Variants in FANCC observed in about 807,000 individuals in gnomAD.
FANCC encodes the protein FA complementation group C.
Under a neutral mutation model 71.3 loss-of-function variants are expected in FANCC, and 55 were observed. The ratio of observed to expected loss-of-function variants is 0.77; its 90% confidence interval spans 0.62 to 0.97. FANCC has a LOEUF of 0.97. Among genes scored for constraint, FANCC ranks in the 50% least tolerant of loss-of-function variants. The pLI, the probability that FANCC is intolerant of heterozygous loss-of-function variation, is 0.00. For synonymous variants in FANCC, 275 were observed against 244.9 expected, an observed-to-expected ratio of 1.12 and a Z score of -1.15; for missense variants, 678 against 670.9, an observed-to-expected ratio of 1.01 and a Z score of -0.12.
chr9:95,285,093 G>A (rs1833611455), intron 1 of FANCC, among the ~76,000 whole-genome samples: 1 of 151,644 alleles, frequency 6.6e-6, no homozygotes, highest in African/African-American at 2.4e-5. Flanking sequence ...CCAAAGAGAA[G>A]GATTGTGCAA....
chr9:95,218,644 G>A (rs953417582), intron 4 of FANCC, among the ~76,000 whole-genome samples: 2 of 152,132 alleles, frequency 1.3e-5, no homozygotes, highest in African/African-American at 4.8e-5. Flanking sequence ...GTAATGAAAA[G>A]TAGGTTTAAC....
chr9:95,174,144 G>A lies in FANCC; in HGVS notation c.346-1997C>T, dbSNP rs187662316. Among the ~76,000 whole-genome samples the A allele has an allele frequency of 1.2e-3, 184 of 152,288 alleles. 2 individuals carry two copies. The highest frequency in any genetic ancestry group is 4.3e-3 in the African/African-American group (178 of 41,564). The stretch of plus-strand genomic sequence containing the variant: ...TTTATGTCTCAGTTCTGGAGGCTGG[G>A]AAGTCCAGAACCAAGGAGCTGGCAG... On this transcript the variant is annotated intron_variant, in intron 4 of 14. Coordinates refer to ENST00000289081, the MANE Select transcript of FANCC (RefSeq NM_000136.3).
At chr9:95,234,035 T>C (rs1382058959) in intron 4 of FANCC, among the ~76,000 whole-genome samples, 2 of 152,158 alleles carry the variant, frequency 1.3e-5, no homozygotes, top group Non-Finnish European at 2.9e-5. Context: ...GATTATGCTA[T>C]CTAACTAAAG....
chr9:95,303,150 T>A (rs1834856551), intron 1 of FANCC, among the ~76,000 whole-genome samples: 1 of 152,232 alleles, frequency 6.6e-6, no homozygotes, highest in African/African-American at 2.4e-5. Flanking sequence ...AGGCGCCAGC[T>A]GCATGTGGCT....
chr9:95,145,007 T>C (rs1395525837), intron 7 of FANCC, among the ~76,000 whole-genome samples: 2 of 152,230 alleles, frequency 1.3e-5, no homozygotes, highest in Admixed American at 6.5e-5. Flanking sequence ...TTTTTAGCCA[T>C]GAAACCTGCA....
chr9:95,138,694 T>C (rs1363979969), intron 7 of FANCC, among the ~76,000 whole-genome samples: 1 of 152,194 alleles, frequency 6.6e-6, no homozygotes, highest in Admixed American at 6.5e-5. Flanking sequence ...GGCACGGTGT[T>C]TGTCATTCAT....
intron 6 of FANCC, among the ~76,000 whole-genome samples, chr9:95,159,227 C>CTGTGTCCAAGTGTTCTCAT (rs1234359914): frequency 3.9e-5 from 6 of 152,182 alleles, no homozygotes; most frequent in Non-Finnish European, 8.8e-5. Context: ...GTTCCCCACC[C>CTGTGTCCAAGTGTTCTCAT]TGTGTCCAAG....
intron 4 of FANCC, among the ~76,000 whole-genome samples, chr9:95,174,118 C>T (rs1439275819): frequency 6.6e-6 from 1 of 152,084 alleles, no homozygotes; most frequent in Non-Finnish European, 1.5e-5. Flanking sequence ...AAGAGCAAAA[C>T]TTTATGTCTC....
chr9:95,143,806 C>A (rs1316295225), intron 7 of FANCC, among the ~76,000 whole-genome samples: 1 of 152,204 alleles, frequency 6.6e-6, no homozygotes, highest in Non-Finnish European at 1.5e-5. Flanking sequence ...AGGTTTTATG[C>A]CGTCTTTAGC....
At chr9:95,162,159 A>T (rs564775769) in intron 6 of FANCC, among the ~76,000 whole-genome samples, 2 of 152,240 alleles carry the variant, frequency 1.3e-5, no homozygotes, top group East Asian at 3.9e-4. Context: ...CTGTTTCTAC[A>T]AGTTTGACTA....
rs1167606056 is a variant in FANCC at position 95,101,556 on chromosome 9, C to T, written c.*151G>A. ...GGCTCTGCATTTTGTAAAATAGATA[C>T]TAGCAGATTGTCCCAAGATGTGTAC... On this transcript the variant is annotated 3_prime_UTR_variant, in exon 15 of 15. Transcript: ENST00000289081. 2.2e-6 allele frequency: 2 copies of T among 912,864 alleles called. No individual in the cohort carries two copies. Among genetic ancestry groups the T allele is most frequent in the Non-Finnish European group, 3.4e-6 (2 of 588,370 alleles). 56.5% of individuals were successfully genotyped at this position (912,864 alleles called of 1,614,324 possible).
At chr9:95,215,391 GGAGA>G (rs1438517442) in intron 4 of FANCC, among the ~76,000 whole-genome samples, 5 of 152,136 alleles carry the variant, frequency 3.3e-5, no homozygotes, top group East Asian at 1.9e-4. Context: ...AGGGAGATAG[GGAGA>G]GAGAGTGAGG....
intron 7 of FANCC, among the ~76,000 whole-genome samples, chr9:95,144,480 A>C (rs1354665908): frequency 6.6e-6 from 1 of 152,238 alleles, no homozygotes; most frequent in African/African-American, 2.4e-5. Flanking sequence ...CCCTCTGAGC[A>C]CTGTGCTAGA....
rs753431563 is a variant in FANCC at position 95,150,096 on chromosome 9, G to T, written c.522-9C>A. On this transcript the variant is annotated splice_polypyrimidine_tract_variant and intron_variant, in intron 6 of 14. Transcript: ENST00000289081. ...CTCGCTCGGGAGCCATTCTATGGAA[G>T]AAATAAGAAATAATCACTCAAATCT... 3 of 1,613,716 alleles carry T rather than the reference G, an allele frequency of 1.9e-6. No individual in the cohort carries two copies. The highest frequency in any genetic ancestry group is 2.2e-5 in the South Asian group (2 of 91,020).
chr9:95,285,697 G>A (rs1285900375), intron 1 of FANCC, among the ~76,000 whole-genome samples: 4 of 152,014 alleles, frequency 2.6e-5, no homozygotes, highest in African/African-American at 9.7e-5. Context: ...TCCCAGTACT[G>A]GCAAGAATAC....
At chr9:95,149,573 G>C (rs1411244681) in intron 7 of FANCC, among the ~76,000 whole-genome samples, 4 of 151,712 alleles carry the variant, frequency 2.6e-5, no homozygotes, top group Non-Finnish European at 5.9e-5. Flanking sequence ...CCGCCTCCCA[G>C]GTGGAAGCGA....
Position 95,100,803 on chromosome 9 carries a change from G to A in FANCC, c.*904C>T, listed in dbSNP as rs1173735507. The A allele has an allele frequency of 8.9e-6, 2 of 225,834 alleles. No homozygotes were observed. The highest frequency in any genetic ancestry group is 1.3e-4 in the East Asian group (2 of 15,772). 14.0% of individuals were successfully genotyped at this position (225,834 alleles called of 1,614,324 possible). ...ATGCCATTGCACCCCGATAATTTTTGTATTTTTAGTAGAGATAGGGTATTG... is the reference window on the plus strand; with the variant it reads ...ATGCCATTGCACCCCGATAATTTTTATATTTTTAGTAGAGATAGGGTATTG... On this transcript the variant is annotated 3_prime_UTR_variant, in exon 15 of 15. Coordinates refer to ENST00000289081, the MANE Select transcript of FANCC (RefSeq NM_000136.3).
intron 4 of FANCC, among the ~76,000 whole-genome samples, chr9:95,231,934 C>A (rs1216378504): frequency 6.6e-6 from 1 of 152,178 alleles, no homozygotes; most frequent in African/African-American, 2.4e-5. Flanking sequence ...TCCATTCTCG[C>A]ATTGCTATAA....
At chr9:95,132,495 C>A (rs1053207461) in intron 8 of FANCC, among the ~76,000 whole-genome samples, 5 of 152,152 alleles carry the variant, frequency 3.3e-5, no homozygotes, top group African/African-American at 1.2e-4. Context: ...AAGGAAAACA[C>A]AAGACCATCT....
Sources: allele counts gnomAD v4.1 joint callset (sites outside exome capture counted in the v4.1 genomes callset), GRCh38; gene constraint gnomAD v4.1.1; transcripts MANE v1.5; gene names NCBI Gene and HGNC (gene_info 2026-07-23, HGNC 2026-07-21).